The following TNFAIP8 variants were observed in gnomAD, a reference collection of about 807,000 sequenced individuals.
TNFAIP8 encodes tumor necrosis factor alpha-induced protein 8.
Under a neutral mutation model 13.3 loss-of-function variants are expected in TNFAIP8, and 7 were observed. The observed-to-expected ratio is 0.52, with a 90% CI of 0.30 to 0.99. The LOEUF is 0.99. Among genes scored for constraint, TNFAIP8 ranks in the 50% least tolerant of loss-of-function variants. The pLI is 0.07. For missense variants in TNFAIP8, 258 were observed against 236.9 expected (o/e 1.09, Z -0.58); for synonymous variants, 94 against 87.6 (o/e 1.07, Z -0.41).
chr5:119,305,288 G>A (rs995681790), intron 1 of TNFAIP8, among the ~76,000 whole-genome samples: 1 of 152,134 alleles, frequency 6.6e-6, no homozygotes, highest in African/African-American at 2.4e-5. Flanking sequence ...GAATATGTTG[G>A]GAAAGATACA....
At chr5:119,343,077 A>T (rs181603827) in intron 1 of TNFAIP8, among the ~76,000 whole-genome samples, 15 of 152,366 alleles carry the variant, frequency 9.8e-5, no homozygotes, top group African/African-American at 3.6e-4. Flanking sequence ...AATGCCATCA[A>T]CTGAAATGGA....
At chr5:119,283,325 A>G (rs555671504) in intron 1 of TNFAIP8, among the ~76,000 whole-genome samples, 3 of 152,336 alleles carry the variant, frequency 2.0e-5, no homozygotes, top group South Asian at 2.1e-4. Flanking sequence ...TACAAAAACA[A>G]TGATGAAAAT....
Position 119,393,490 on chromosome 5 carries a change from G to T in TNFAIP8, c.*109G>T, listed in dbSNP as rs1479916713. 8.3e-6 allele frequency: 9 copies of T among 1,078,204 alleles called. No individual in the cohort carries two copies. In the South Asian group the frequency reaches 1.1e-4, roughly 14 times the overall value. The allele number at this position is 1,078,204 out of a possible 1,614,324, so 66.8% of individuals were successfully genotyped here. On this transcript the variant is annotated 3_prime_UTR_variant, in exon 2 of 2. Coordinates refer to ENST00000504771, the MANE Select transcript of TNFAIP8 (RefSeq NM_014350.4). The stretch of plus-strand genomic sequence containing the variant: ...CTAAAGATTACACATATTTCAGAAA[G>T]ACTTTACCCAATTCAGTTGTCAGAC...
chr5:119,385,920 G>A (rs1752650334), intron 1 of TNFAIP8, among the ~76,000 whole-genome samples: 1 of 152,162 alleles, frequency 6.6e-6, no homozygotes, highest in Non-Finnish European at 1.5e-5. Flanking sequence ...TTTATCTCTG[G>A]AACAACTCCA....
chr5:119,323,436 G>C (rs1168203648), intron 1 of TNFAIP8, among the ~76,000 whole-genome samples: 2 of 152,074 alleles, frequency 1.3e-5, no homozygotes, highest in African/African-American at 2.4e-5. Flanking sequence ...ATTTACCCTA[G>C]AGTCTAACAT....
At chr5:119,381,964 T>C (rs1752502227) in intron 1 of TNFAIP8, among the ~76,000 whole-genome samples, 1 of 152,128 alleles carries the variant, frequency 6.6e-6, no homozygotes, top group African/African-American at 2.4e-5. Context: ...CGGAGTACCT[T>C]TGTAGTATTT....
chr5:119,289,699 C>T (rs1022902519), intron 1 of TNFAIP8, among the ~76,000 whole-genome samples: 39 of 152,270 alleles, frequency 2.6e-4, no homozygotes, highest in African/African-American at 8.9e-4. Flanking sequence ...TCTTGCCTTG[C>T]TCCAATGCCC....
At chr5:119,358,297 C>T (rs896901484) in intron 1 of TNFAIP8, among the ~76,000 whole-genome samples, 4 of 152,034 alleles carry the variant, frequency 2.6e-5, no homozygotes, top group African/African-American at 9.7e-5. Flanking sequence ...GAATCTAAGT[C>T]CTTGGAGGCC....
chr5:119,376,215 A>G (rs1752275190), intron 1 of TNFAIP8, among the ~76,000 whole-genome samples: 1 of 152,030 alleles, frequency 6.6e-6, no homozygotes, highest in South Asian at 2.1e-4. Context: ...CCCGGCTTCA[A>G]GAGATTCTCC....
intron 1 of TNFAIP8, among the ~76,000 whole-genome samples, chr5:119,350,486 C>T (rs1259439145): frequency 2.0e-5 from 3 of 152,098 alleles, no homozygotes; most frequent in Non-Finnish European, 2.9e-5. Context: ...AAAGAAGGAC[C>T]GTGGGTCATA....
At chr5:119,355,376 G>C, upstream of TNFAIP8, 1 of 702,438 alleles carries the variant, frequency 1.4e-6, no homozygotes, top group African/African-American at 1.7e-5. Context: ...AGCCCCGTCT[G>C]CTTTTGCTGT....
chr5:119,350,460 A>G (rs193917), intron 1 of TNFAIP8, among the ~76,000 whole-genome samples: 151,849 of 152,348 alleles, frequency 1, 75,677 homozygotes, highest in Middle Eastern at 1. Context: ...AGATGCTGAG[A>G]AATGACTGTG....
chr5:119,276,698 A>AG (rs1232349111), intron 1 of TNFAIP8, among the ~76,000 whole-genome samples: 1 of 152,168 alleles, frequency 6.6e-6, no homozygotes, highest in Non-Finnish European at 1.5e-5. Flanking sequence ...CCCTCTTCAT[A>AG]GAGTGCCAGT....
intron 1 of TNFAIP8, among the ~76,000 whole-genome samples, chr5:119,363,179 G>A (rs1332822425): frequency 2.0e-5 from 3 of 152,228 alleles, no homozygotes; most frequent in Non-Finnish European, 2.9e-5. Context: ...CGAGAGCCCC[G>A]TGGAGGCTGT....
At chr5:119,369,243 G>A (rs1380102268) in intron 1 of TNFAIP8, among the ~76,000 whole-genome samples, 1 of 151,880 alleles carries the variant, frequency 6.6e-6, no homozygotes, top group Admixed American at 6.6e-5. Flanking sequence ...TATTAGAGAT[G>A]GGATTTCACC....
intron 1 of TNFAIP8, among the ~76,000 whole-genome samples, chr5:119,334,494 C>A (rs1342672821): frequency 8.2e-6 from 1 of 121,804 alleles, no homozygotes; most frequent in African/African-American, 3.8e-5. Context: ...ATTATTGAAC[C>A]CTTGGCAGCC....
intron 1 of TNFAIP8, among the ~76,000 whole-genome samples, chr5:119,280,512 T>G (rs888770): frequency 0.68 from 103,722 of 151,826 alleles, 35,878 homozygotes; most frequent in East Asian, 0.88. Flanking sequence ...TTACTGCTTT[T>G]CCCTCTGTTT....
At chr5:119,349,824 C>G (rs1227572150) in intron 1 of TNFAIP8, among the ~76,000 whole-genome samples, 1 of 152,180 alleles carries the variant, frequency 6.6e-6, no homozygotes, top group Admixed American at 6.5e-5. Flanking sequence ...GAACCATGGC[C>G]AGCCATAAAC....
intron 1 of TNFAIP8, among the ~76,000 whole-genome samples, chr5:119,377,695 C>G (rs1752334892): frequency 6.6e-6 from 1 of 152,136 alleles, no homozygotes; most frequent in African/African-American, 2.4e-5. Flanking sequence ...ACCTTCCCAC[C>G]ACTTCACCTT....
Sources: gnomAD v4.1 joint callset for allele counts (sites outside exome capture counted in the v4.1 genomes callset) on GRCh38, gnomAD v4.1.1 for gene constraint, MANE v1.5 for transcripts, NCBI Gene and HGNC (gene_info 2026-07-23, HGNC 2026-07-21) for gene names.